DNAH3: variants seen among roughly 807,000 people sequenced by gnomAD.
DNAH3 encodes axonemal beta dynein heavy chain 3.
DNAH3 carries 332 observed loss-of-function variants against 432.5 expected under a neutral mutation model. The ratio of observed to expected loss-of-function variants is 0.77; its 90% CI spans 0.70 to 0.84. DNAH3 has a LOEUF of 0.84. DNAH3 is among the 40% of genes least tolerant of loss of function. The probability of loss-of-function intolerance (pLI) is 0.00; values close to 1 mark genes in which losing one functional copy is unlikely to be tolerated. For missense variants in DNAH3, 4,861 were observed against 5,114.0 expected (o/e 0.95, Z 1.51); for synonymous variants, 1,956 against 1,900.2 (o/e 1.03, Z -0.76).
chr16:20,960,703 T>TCAAA (rs373451611), intron 53 of DNAH3, among the ~76,000 whole-genome samples: 16 of 152,080 alleles, frequency 1.1e-4, no homozygotes, highest in South Asian at 4.2e-4. Context: ...AGACTCCATC[T>TCAAA]CAAACAAACA....
chr16:21,132,630 C>T (rs547854299), intron 7 of DNAH3, among the ~76,000 whole-genome samples: 104 of 152,296 alleles, frequency 6.8e-4, no homozygotes, highest in Non-Finnish European at 1.2e-3. Flanking sequence ...CATTGAAAGA[C>T]ACCAGACACA....
At chr16:21,037,662 TG>T in intron 34 of DNAH3, 98 bp downstream of exon 34, 4 of 1,003,192 alleles carry the variant, frequency 4.0e-6, no homozygotes, top group Non-Finnish European at 6.0e-6. Context: ...GGCCAAAGAA[TG>T]GAAGATGGAA....
In DNAH3 at chr16:21,158,760, G is replaced by A. The variant is rs373976308; in HGVS notation, c.117+565C>T. ...GGTCAGGAGCAGGTGAGAGCTCGGA[G>A]CTTGGGGGTGGGGGTCCGGGTGCCC... On this transcript the variant is annotated intron_variant, in intron 1 of 61. Transcript: ENST00000261383. 38 of 154,840 alleles carry A rather than the reference G, an allele frequency of 2.5e-4. 1 individual carries two copies. The South Asian group carries it at 3.9e-3, about 16-fold the overall frequency. 9.6% of individuals were successfully genotyped at this position (154,840 alleles called of 1,614,324 possible).
At chr16:20,972,528 A>T (rs1438596952) in intron 51 of DNAH3, among the ~76,000 whole-genome samples, 1 of 151,486 alleles carries the variant, frequency 6.6e-6, no homozygotes, top group Admixed American at 6.6e-5. Context: ...ATGACCCATC[A>T]TGGCTGGCCC....
exon 37 of DNAH3, chr16:21,031,270 C>A (rs2088858191): frequency 6.2e-6 from 10 of 1,614,190 alleles, no homozygotes; most frequent in Non-Finnish European, 8.5e-6. Context: ...CCACAGCAAA[C>A]TCCTCCATCT....
intron 53 of DNAH3, 143 bp downstream of exon 53, chr16:20,963,141 T>C: frequency 1.3e-6 from 1 of 760,762 alleles, no homozygotes; most frequent in East Asian, 2.7e-5. Flanking sequence ...AAAGGACGAG[T>C]TCCGTGGCTC....
rs781110019 is a variant in DNAH3 at position 20,941,423 on chromosome 16, G to A, written c.11632C>T (p.Gln3878Ter). The change falls in exon 59 of 62, where the codon CAG (glutamine) becomes TAG (stop). Residue 3878 changes from glutamine to a stop codon, truncating the protein, a stop_gained. Transcript: ENST00000261383. LOFTEE classifies it high-confidence loss of function. ...CACCTGTTGAATCTGATGAGCTCCTGCCTTAGGACGGTATTCATGGATTCT... is the reference window on the plus strand; with the variant it reads ...CACCTGTTGAATCTGATGAGCTCCTACCTTAGGACGGTATTCATGGATTCT... The A allele has an allele frequency of 1.4e-5, 22 of 1,613,880 alleles. No individual in the cohort carries two copies. The highest frequency in any genetic ancestry group is 1.7e-5 in the Non-Finnish European group (20 of 1,179,918).
intron 44 of DNAH3, among the ~76,000 whole-genome samples, chr16:20,994,839 T>C (rs571899951): frequency 7.3e-5 from 11 of 151,104 alleles, no homozygotes; most frequent in Admixed American, 2.6e-4. Context: ...TGTTGTAACA[T>C]GTCTTTTTTT....
At chr16:20,969,867 C>A (rs778968903) in exon 52 of DNAH3, 31 of 1,614,072 alleles carry the variant, frequency 1.9e-5, no homozygotes, top group Non-Finnish European at 2.5e-5. Context: ...ACCAGTTTGA[C>A]AGGGCCTGGT....
At chr16:21,085,292 C>T (rs943650644) in intron 19 of DNAH3, among the ~76,000 whole-genome samples, 2 of 151,780 alleles carry the variant, frequency 1.3e-5, no homozygotes, top group African/African-American at 4.8e-5. Flanking sequence ...GCCTATAATC[C>T]CAGAACTTTG....
rs573617143 is a variant in DNAH3 at position 21,022,254 on chromosome 16, CT to C, written c.5647-155del. 5.7e-3 allele frequency among the ~76,000 whole-genome samples: 872 copies of C among 152,280 alleles called. 9 individuals carry two copies. Among genetic ancestry groups the C allele is most frequent in the African/African-American group, 0.02 (835 of 41,572 alleles). ...GGAAAACTTATAGGCAACAAGACCC[CT>C]ATCTCAGCATCCTCCTTCAGGGTCC... On this transcript the variant is annotated intron_variant, in intron 39 of 61. Transcript: ENST00000261383.
At chr16:20,964,571 T>C in exon 53 of DNAH3, 1 of 1,614,216 alleles carries the variant, frequency 6.2e-7, no homozygotes, top group East Asian at 2.2e-5. Flanking sequence ...TCAGAGAACT[T>C]GATGACAGCC....
At chr16:21,060,808 A>G (rs565644163) in intron 25 of DNAH3, among the ~76,000 whole-genome samples, 187 of 146,278 alleles carry the variant, frequency 1.3e-3, no homozygotes, top group Non-Finnish European at 9.6e-4. Flanking sequence ...ACAGGTGTGA[A>G]CCACTGCGCC....
intron 59 of DNAH3, among the ~76,000 whole-genome samples, chr16:20,938,035 G>C (rs993571942): frequency 1.3e-5 from 2 of 152,146 alleles, no homozygotes; most frequent in Non-Finnish European, 2.9e-5. Flanking sequence ...CAACTGAATG[G>C]ACATGAGAAT....
intron 5 of DNAH3, among the ~76,000 whole-genome samples, chr16:21,138,281 C>G (rs1263342787): frequency 6.6e-6 from 1 of 151,906 alleles, no homozygotes; most frequent in Non-Finnish European, 1.5e-5. Flanking sequence ...GAGGTTGCTG[C>G]TGCCAGCCTC....
Position 20,947,548 on chromosome 16 carries a change from C to T in DNAH3, c.11343+935G>A, listed in dbSNP as rs558933194. 2.5e-3 allele frequency among the ~76,000 whole-genome samples: 374 copies of T among 152,074 alleles called. 1 individual carries two copies. Among genetic ancestry groups the T allele is most frequent in the Non-Finnish European group, 3.8e-3 (257 of 67,986 alleles). ...AGAATTGGGGACTGAGCCCTCAACC[C>T]GTGGGATCTGACACTATCACCAGGT... On this transcript the variant is annotated intron_variant, in intron 57 of 61. Coordinates refer to ENST00000261383, the Ensembl canonical transcript of DNAH3.
At chr16:21,046,012 T>C (rs1279137475) in intron 31 of DNAH3, among the ~76,000 whole-genome samples, 1 of 152,138 alleles carries the variant, frequency 6.6e-6, no homozygotes, top group African/African-American at 2.4e-5. Flanking sequence ...TCCTGAGTTC[T>C]AATTTGATTG....
rs199498692 is a variant in DNAH3, at chr16:20,985,573, T to A, written c.7169A>T (p.Glu2390Val). The A allele has an allele frequency of 5.6e-6, 9 of 1,614,226 alleles. No individual in the cohort carries two copies. The Middle Eastern group carries it at 4.9e-4, about 89-fold the overall frequency. ...GTTGTTGAATTCTTCCAGATAGTGCTCCATGACCACAGTCAGCTGTTTCAG... is the reference window on the plus strand; with the variant it reads ...GTTGTTGAATTCTTCCAGATAGTGCACCATGACCACAGTCAGCTGTTTCAG... Residue 2390 changes from glutamate to valine, a missense_variant, in exon 48 of 62, where the codon GAG (glutamate) becomes GTG (valine). Transcript: ENST00000261383.
At chr16:20,992,751 A>G (rs566344223) in intron 44 of DNAH3, among the ~76,000 whole-genome samples, 20 of 152,380 alleles carry the variant, frequency 1.3e-4, no homozygotes, top group Admixed American at 2.6e-4. Context: ...AGTAGTAGAC[A>G]TGTTCATTGT....
Sources: gnomAD v4.1 joint callset for allele counts (sites outside exome capture counted in the v4.1 genomes callset) on GRCh38, gnomAD v4.1.1 for gene constraint, MANE v1.5 for transcripts, NCBI Gene and HGNC (gene_info 2026-07-23, HGNC 2026-07-21) for gene names.